Variants in FOXP1 observed in about 807,000 individuals in gnomAD.
FOXP1 encodes the protein forkhead box protein P1.
Under a neutral mutation model 98.2 loss-of-function variants are expected in FOXP1, and 15 were observed. The ratio of observed to expected loss-of-function variants is 0.15; its 90% CI spans 0.10 to 0.24. The LOEUF is 0.24. FOXP1 is among the 10% of genes least tolerant of loss of function. FOXP1 has a pLI of 1.00. For missense variants in FOXP1, 633 were observed against 848.5 expected (o/e 0.75, Z 3.15); for synonymous variants, 371 against 314.5 (o/e 1.18, Z -1.90).
intron 11 of FOXP1, among the ~76,000 whole-genome samples, chr3:71,036,129 G>A (rs1444723524): frequency 6.6e-6 from 1 of 152,166 alleles, no homozygotes; most frequent in Non-Finnish European, 1.5e-5. Context: ...AACAGAGACT[G>A]TGTATCAAGT....
intron 7 of FOXP1, among the ~76,000 whole-genome samples, chr3:71,058,158 G>C (rs568703070): frequency 6.6e-6 from 1 of 152,130 alleles, no homozygotes; most frequent in Non-Finnish European, 1.5e-5. Flanking sequence ...TGAAGGAATT[G>C]GGTGGGAGGG....
In FOXP1 at chr3:71,456,672, C is replaced by T. The variant is rs191675556; in HGVS notation, c.-168+36754G>A. On this transcript the variant is annotated intron_variant, in intron 3 of 20. Coordinates refer to ENST00000649528, the MANE Select transcript of FOXP1 (RefSeq NM_001349338.3). Reference sequence around the variant, plus strand: ...AAGAGCAGTTCCTACTCCACAGAAACGTCGTGAGATACCCAAATCACACAG... The same window carrying T: ...AAGAGCAGTTCCTACTCCACAGAAATGTCGTGAGATACCCAAATCACACAG... Among the ~76,000 whole-genome samples the T allele has an allele frequency of 3.3e-4, 50 of 152,196 alleles. 2 individuals are homozygous for T. Among genetic ancestry groups the T allele is most frequent in the Admixed American group, 1.4e-3 (22 of 15,264 alleles).
chr3:71,507,479 C>A (rs901703498), intron 2 of FOXP1, among the ~76,000 whole-genome samples: 10 of 151,862 alleles, frequency 6.6e-5, no homozygotes, highest in African/African-American at 1.5e-4. Context: ...ATTATGCAAC[C>A]ATTAAAAAGT....
intron 6 of FOXP1, among the ~76,000 whole-genome samples, chr3:71,148,858 A>C (rs1351701007): frequency 6.6e-6 from 1 of 152,182 alleles, no homozygotes; most frequent in Non-Finnish European, 1.5e-5. Flanking sequence ...GAAGCACTCT[A>C]CTCAAAAGAG....
chr3:71,186,837 A>T (rs1226139603), intron 6 of FOXP1, among the ~76,000 whole-genome samples: 4 of 152,288 alleles, frequency 2.6e-5, no homozygotes, highest in Admixed American at 6.5e-5. Context: ...AAGTCTGTAG[A>T]AGGCAAATCT....
rs769680475 is a variant in FOXP1 at position 71,263,911 on chromosome 3, A to AT, written c.-12+35908dup. Among the ~76,000 whole-genome samples the AT allele has an allele frequency of 3.0e-3, 429 of 142,028 alleles. 1 individual carries two copies. Among genetic ancestry groups the AT allele is most frequent in the East Asian group, 5.9e-3 (29 of 4,934 alleles). The allele number at this position is 142,028 out of a possible 152,430, so 93.2% of individuals were successfully genotyped here. ...AGGCACATGCCACGACTCCCAGCTA[A>AT]TTTTTTTTTTTTTTTTTAAATTAGA... On this transcript the variant is annotated intron_variant, in intron 5 of 20. Coordinates refer to ENST00000649528, the MANE Select transcript of FOXP1 (RefSeq NM_001349338.3).
chr3:71,013,366 T>C (rs1443096540), intron 12 of FOXP1, among the ~76,000 whole-genome samples: 1 of 152,166 alleles, frequency 6.6e-6, no homozygotes, highest in Non-Finnish European at 1.5e-5. Context: ...CCAGTAATTG[T>C]CACCAATTTT....
At chr3:71,039,966 G>A (rs185340354) in intron 11 of FOXP1, among the ~76,000 whole-genome samples, 86 of 151,884 alleles carry the variant, frequency 5.7e-4, no homozygotes, top group African/African-American at 1.9e-3. Context: ...TTAGTTCTTC[G>A]GTGTCTGCCT....
chr3:71,199,291 G>T (rs1307534465), intron 5 of FOXP1, among the ~76,000 whole-genome samples: 1 of 151,644 alleles, frequency 6.6e-6, no homozygotes, highest in Non-Finnish European at 1.5e-5. Flanking sequence ...TTTTAGTAGA[G>T]ACAGGGTTTC....
intron 7 of FOXP1, among the ~76,000 whole-genome samples, chr3:71,085,586 T>C (rs78029794): frequency 0.012 from 1,875 of 152,142 alleles, 26 homozygotes; most frequent in African/African-American, 0.043. Flanking sequence ...AGGAATATTA[T>C]ATTAGAATCA....
At chr3:71,096,391 T>C (rs2056459095) in intron 7 of FOXP1, among the ~76,000 whole-genome samples, 1 of 152,156 alleles carries the variant, frequency 6.6e-6, no homozygotes, top group Non-Finnish European at 1.5e-5. Flanking sequence ...CTGTGAGTTT[T>C]AAAAGCTTTG....
At chr3:71,572,597 A>C (rs1052593579) in intron 2 of FOXP1, 1 of 152,228 alleles carries the variant, frequency 6.6e-6, no homozygotes, top group African/African-American at 2.4e-5. Context: ...AAAATCCTGT[A>C]TTTTGAGGAA....
At chr3:71,459,809 T>C (rs1187081627) in intron 3 of FOXP1, among the ~76,000 whole-genome samples, 1 of 152,242 alleles carries the variant, frequency 6.6e-6, no homozygotes, top group Non-Finnish European at 1.5e-5. Flanking sequence ...TAAGCTGATT[T>C]CAATTTTCAT....
intron 14 of FOXP1, among the ~76,000 whole-genome samples, chr3:70,980,590 T>C (rs538915481): frequency 6.6e-6 from 1 of 152,358 alleles, no homozygotes; most frequent in East Asian, 1.9e-4. Context: ...CTAGATCCTT[T>C]GTATAATCAT....
intron 7 of FOXP1, among the ~76,000 whole-genome samples, chr3:71,104,974 G>A (rs764925348): frequency 3.3e-5 from 5 of 151,654 alleles, no homozygotes; most frequent in Non-Finnish European, 5.9e-5. Flanking sequence ...TATATGTGAG[G>A]CCCCCAGTCT....
rs187147869 is a variant in FOXP1 at position 70,957,947 on chromosome 3, C to T, written c.*1300G>A. On this transcript the variant is annotated 3_prime_UTR_variant, in exon 21 of 21. Coordinates refer to ENST00000649528, the MANE Select transcript of FOXP1 (RefSeq NM_001349338.3). ...AACTAATGTATAAACTCAGCGCCGC[C>T]GCCGCCACCCCTACTTTCAGGGCAG... is the stretch of plus-strand genomic sequence containing the variant. 5.7e-5 allele frequency: 14 copies of T among 244,692 alleles called. No homozygotes were observed. The highest frequency in any genetic ancestry group is 5.7e-4 in the South Asian group (4 of 7,016). The allele number at this position is 244,692 out of a possible 1,614,324, so 15.2% of individuals were successfully genotyped here.
chr3:71,048,623 A>G (rs2049374211), intron 9 of FOXP1, among the ~76,000 whole-genome samples: 1 of 152,102 alleles, frequency 6.6e-6, no homozygotes, highest in Non-Finnish European at 1.5e-5. Flanking sequence ...AATTGTTTTC[A>G]CCCCTTCCCA....
intron 11 of FOXP1, among the ~76,000 whole-genome samples, chr3:71,038,864 C>T (rs2047960788): frequency 6.6e-6 from 1 of 152,012 alleles, no homozygotes; most frequent in South Asian, 2.1e-4. Flanking sequence ...TGGGGTCCCT[C>T]TATGTTGTCC....
At chr3:71,052,423 ACC>A (rs2050024690) in intron 9 of FOXP1, 112 bp downstream of exon 9, 19 of 770,494 alleles carry the variant, frequency 2.5e-5, no homozygotes, top group Non-Finnish European at 4.5e-5. Context: ...AAAGCTGAGA[ACC>A]GATAGAGTCA....
Sources: allele counts gnomAD v4.1 joint callset (sites outside exome capture counted in the v4.1 genomes callset), GRCh38; gene constraint gnomAD v4.1.1; transcripts MANE v1.5; gene names NCBI Gene and HGNC (gene_info 2026-07-23, HGNC 2026-07-21).